CMC2: variants seen among roughly 807,000 people sequenced by gnomAD.
CMC2 encodes COX assembly mitochondrial protein 2 homolog.
CMC2 carries 5 observed loss-of-function variants against 7.5 expected under a neutral mutation model. That is an observed-to-expected ratio of 0.66 (90% CI 0.35 to 1.40). The LOEUF is 1.40. Ranked by LOEUF, CMC2 falls within the 40% of genes most tolerant of loss-of-function variation. CMC2 has a pLI of 0.04. For synonymous variants in CMC2, 37 were observed against 31.4 expected (o/e 1.18, Z -0.60); for missense variants, 115 against 92.3 (o/e 1.25, Z -1.01).
At position 80,999,659 on chromosome 16, in the gene CMC2, T is replaced by C. The variant is rs180936610; in HGVS notation, c.-35-2230A>G. 5.3e-4 allele frequency among the ~76,000 whole-genome samples: 80 copies of C among 152,266 alleles called. 1 individual carries two copies. The highest frequency in any genetic ancestry group is 2.5e-3 in the Admixed American group (38 of 15,296). ...ACCAAACGTATCACATTACCCTACT[T>C]CAGACTATAAGGCTACAATAACCAA... On this transcript the variant is annotated intron_variant, in intron 1 of 3. Coordinates refer to ENST00000219400, the MANE Select transcript of CMC2 (RefSeq NM_020188.5).
chr16:80,986,794 G>A (rs1397675196), intron 2 of CMC2, among the ~76,000 whole-genome samples: 1 of 152,226 alleles, frequency 6.6e-6, no homozygotes, highest in African/African-American at 2.4e-5. Flanking sequence ...TTTGTATCTG[G>A]ACATGTTGAG....
chr16:80,983,128 A>G (rs886609441), intron 2 of CMC2: 1 of 153,202 alleles, frequency 6.5e-6, no homozygotes, highest in Non-Finnish European at 1.5e-5. Flanking sequence ...AGCCTACTTT[A>G]TTGCATGAAT....
chr16:80,983,056 T>C (rs1251379049), intron 2 of CMC2: 1 of 160,920 alleles, frequency 6.2e-6, no homozygotes, highest in Non-Finnish European at 1.3e-5. Flanking sequence ...GATGTAAACT[T>C]ACAATATCAA....
At chr16:80,982,559 G>C (rs1967207175) in intron 2 of CMC2, 1 of 125,964 alleles carries the variant, frequency 7.9e-6, no homozygotes, top group African/African-American at 2.9e-5. Context: ...AGTCTATTTT[G>C]TCATTTACTA....
Position 80,974,932 on chromosome 16 carries a change from GA to G in CMC2, c.*1160del, listed in dbSNP as rs1912169966. On this transcript the variant is annotated 3_prime_UTR_variant, in exon 4 of 4. Coordinates refer to ENST00000219400, the MANE Select transcript of CMC2 (RefSeq NM_020188.5). ...CTTCTTGAATACCTCCTGTGATGGG[GA>G]AGTCACTTATTAAACACCAACACCA... 1 of 152,246 alleles carries G rather than the reference GA, an allele frequency of 6.6e-6. No homozygotes were observed. The highest frequency in any genetic ancestry group is 2.1e-4 in the South Asian group (1 of 4,830). The allele number at this position is 152,246 out of a possible 1,614,324, so 9.4% of individuals were successfully genotyped here. A position where few individuals can be genotyped will look rare whatever the true frequency, so the allele number is the denominator to read the frequency against.
intron 1 of CMC2, among the ~76,000 whole-genome samples, chr16:81,006,082 C>T (rs1364754297): frequency 6.6e-6 from 1 of 152,108 alleles, no homozygotes; most frequent in Non-Finnish European, 1.5e-5. Flanking sequence ...AACTTCCATG[C>T]CTTTGAGGTT....
At chr16:80,989,189 C>CA (rs1250239088) in intron 2 of CMC2, among the ~76,000 whole-genome samples, 1 of 152,232 alleles carries the variant, frequency 6.6e-6, no homozygotes, top group Non-Finnish European at 1.5e-5. Flanking sequence ...ATTATTTCCT[C>CA]AAACTTTTCA....
In CMC2 at chr16:80,967,184, C is replaced by G. The variant is rs1479837341; in HGVS notation, c.*8909G>C. 6.6e-6 allele frequency: 1 copy of G among 152,234 alleles called. No homozygotes were observed. The highest frequency in any genetic ancestry group is 2.4e-5 in the African/African-American group (1 of 41,458). 9.4% of individuals were successfully genotyped at this position (152,234 alleles called of 1,614,324 possible). ...CAGCCCAGAGAGCTTTCAGTCTACA[C>G]ATAACCTGAATTCCATGTATCATGA... On this transcript the variant is annotated 3_prime_UTR_variant, in exon 4 of 4. Coordinates refer to ENST00000219400, the MANE Select transcript of CMC2 (RefSeq NM_020188.5).
chr16:80,982,969 A>G, intron 2 of CMC2: 1 of 187,372 alleles, frequency 5.3e-6, no homozygotes. Flanking sequence ...GAACTACTTG[A>G]AATGTACTGT....
At chr16:81,000,477 C>G (rs1383729492) in intron 1 of CMC2, among the ~76,000 whole-genome samples, 2 of 151,922 alleles carry the variant, frequency 1.3e-5, no homozygotes, top group Admixed American at 6.6e-5. Flanking sequence ...GCCTAGGTAA[C>G]AGAGTGAGAC....
Position 80,973,276 on chromosome 16 carries a change from C to A in CMC2, c.*2817G>T, listed in dbSNP as rs1912057580. 1 of 152,202 alleles carries A rather than the reference C, an allele frequency of 6.6e-6. No individual in the cohort carries two copies. The allele number at this position is 152,202 out of a possible 1,614,324, so 9.4% of individuals were successfully genotyped here. A position where few individuals can be genotyped will look rare whatever the true frequency, so the allele number is the denominator to read the frequency against. On this transcript the variant is annotated 3_prime_UTR_variant, in exon 4 of 4. Coordinates refer to ENST00000219400, the MANE Select transcript of CMC2 (RefSeq NM_020188.5). Reference sequence around the variant, plus strand: ...ATATTAAGCCCCTCACCCCTTTACCCCCTGCCCCATCAGCTGGGGCCCCAC... The same window carrying A: ...ATATTAAGCCCCTCACCCCTTTACCACCTGCCCCATCAGCTGGGGCCCCAC...
In CMC2 at chr16:80,969,733, C is replaced by T. The variant is rs1040054616; in HGVS notation, c.*6360G>A. 6.6e-5 allele frequency: 10 copies of T among 151,936 alleles called. No homozygotes were observed. Among genetic ancestry groups the T allele is most frequent in the African/African-American group, 2.4e-4 (10 of 41,336 alleles). 9.4% of individuals were successfully genotyped at this position (151,936 alleles called of 1,614,324 possible). On this transcript the variant is annotated 3_prime_UTR_variant, in exon 4 of 4. Coordinates refer to ENST00000219400, the MANE Select transcript of CMC2 (RefSeq NM_020188.5). ...TGAAACCCCGTCTCTACTAAAAGGA[C>T]AAAAAAATTAGCCGGGCATCATGGT... is the stretch of plus-strand genomic sequence containing the variant.
chr16:80,978,677 T>A (rs1278202611), intron 3 of CMC2, among the ~76,000 whole-genome samples: 1 of 150,156 alleles, frequency 6.7e-6, no homozygotes, highest in Non-Finnish European at 1.5e-5. Context: ...GAGACCACCC[T>A]GGGCAACACA....
chr16:80,981,992 C>A, intron 2 of CMC2, 115 bp from the exon 3 acceptor site: 1 of 604,832 alleles, frequency 1.7e-6, no homozygotes, highest in East Asian at 2.9e-5. Flanking sequence ...TGTTAATAAA[C>A]AAGTAATAGT....
chr16:81,006,642 G>C, intron 1 of CMC2, 92 bp downstream of exon 1: 1 of 924,052 alleles, frequency 1.1e-6, no homozygotes, highest in Non-Finnish European at 1.3e-6. Context: ...GGGCCGACGG[G>C]CGGCAGGAAG....
chr16:80,993,082 T>C (rs983516192), intron 2 of CMC2, among the ~76,000 whole-genome samples: 3 of 152,350 alleles, frequency 2.0e-5, no homozygotes, highest in African/African-American at 4.8e-5. Context: ...GCCCCATTAG[T>C]TGATTCATAT....
At chr16:80,979,398 C>G (rs892061640) in intron 3 of CMC2, among the ~76,000 whole-genome samples, 7 of 151,984 alleles carry the variant, frequency 4.6e-5, no homozygotes, top group Admixed American at 6.5e-5. Context: ...CAAAAAGTCA[C>G]TAACAGATCT....
In CMC2 at chr16:80,972,525, T is replaced by C. The variant is rs1305785127; in HGVS notation, c.*3568A>G. 2 of 152,212 alleles carry C rather than the reference T, an allele frequency of 1.3e-5. No individual in the cohort carries two copies. The highest frequency in any genetic ancestry group is 3.8e-4 in the East Asian group (2 of 5,196). 9.4% of individuals were successfully genotyped at this position (152,212 alleles called of 1,614,324 possible). On this transcript the variant is annotated 3_prime_UTR_variant, in exon 4 of 4. Coordinates refer to ENST00000219400, the MANE Select transcript of CMC2 (RefSeq NM_020188.5). ...TTAATCTGATCTTAAACTTCATTTA[T>C]AAAAGGTGAGAAACAGCTCAACTTT...
Position 80,994,798 on chromosome 16 carries a change from C to A in CMC2, c.81+2516G>T, listed in dbSNP as rs142820609. 3.9e-3 allele frequency among the ~76,000 whole-genome samples: 591 copies of A among 152,300 alleles called. 5 individuals carry two copies. Among genetic ancestry groups the A allele is most frequent in the African/African-American group, 0.014 (573 of 41,558 alleles). The stretch of plus-strand genomic sequence containing the variant: ...ATATACACTTAACACATGACCTAGT[C>A]ATTCCATTCCTAGGTATTTACCCAA... On this transcript the variant is annotated intron_variant, in intron 2 of 3. Coordinates refer to ENST00000219400, the MANE Select transcript of CMC2 (RefSeq NM_020188.5).
Sources: allele counts gnomAD v4.1 joint callset (sites outside exome capture counted in the v4.1 genomes callset), GRCh38; gene constraint gnomAD v4.1.1; transcripts MANE v1.5; gene names NCBI Gene and HGNC (gene_info 2026-07-23, HGNC 2026-07-21).